The following GDF7 variants were observed in gnomAD, a reference collection of about 807,000 sequenced individuals.
GDF7 encodes growth/differentiation factor 7.
In GDF7, 12 loss-of-function variants were observed where a neutral mutation model predicts 13.4. The observed-to-expected ratio is 0.90, with a 90% CI of 0.57 to 1.45. The LOEUF (loss-of-function observed/expected upper bound fraction) is 1.45, where lower values mean the gene tolerates loss of function less well. Ranked by LOEUF, GDF7 falls within the 40% of genes most tolerant of loss-of-function variation. GDF7 has a pLI of 0.00. For missense variants in GDF7, 651 were observed against 652.4 expected (o/e 1.00, Z 0.02); for synonymous variants, 330 against 306.4 (o/e 1.08, Z -0.80).
chr2:20,667,170 T>C lies in GDF7; in HGVS notation c.-70T>C. Reference sequence around the variant, plus strand: ...CTTCCCCCATTATTAAACACTATGTTCAAAAGGCGCCGGGGGACTTCCCGG... The same window carrying C: ...CTTCCCCCATTATTAAACACTATGTCCAAAAGGCGCCGGGGGACTTCCCGG... On this transcript the variant is annotated 5_prime_UTR_variant, in exon 1 of 2. Transcript: ENST00000272224. The surrounding 1 kb of genome is among the most constrained non-coding windows in gnomAD (Gnocchi z 6.4). The C allele has an allele frequency of 9.4e-7, 1 of 1,068,650 alleles. No individual in the cohort carries two copies. Among genetic ancestry groups the C allele is most frequent in the African/African-American group, 1.7e-5 (1 of 58,830 alleles). The allele number at this position is 1,068,650 out of a possible 1,614,324, so 66.2% of individuals were successfully genotyped here. A position where few individuals can be genotyped will look rare whatever the true frequency, so the allele number is the denominator to read the frequency against.
rs1662210921 is a variant in GDF7 at position 20,675,818 on chromosome 2, T to C, written c.*4393T>C. 1 of 152,336 alleles carries C rather than the reference T, an allele frequency of 6.6e-6. No individual in the cohort carries two copies. The highest frequency in any genetic ancestry group is 1.5e-5 in the Non-Finnish European group (1 of 68,152). The allele number at this position is 152,336 out of a possible 1,614,324, so 9.4% of individuals were successfully genotyped here. ...GTGTCCATTTTACTCCTATCCTTAA[T>C]AGGTGCCTCATGGATGTGCTTTGAA... On this transcript the variant is annotated 3_prime_UTR_variant, in exon 2 of 2. Transcript: ENST00000272224.
In GDF7 at chr2:20,667,498, G is replaced by A. The variant is rs777084623; in HGVS notation, c.259G>A (p.Val87Met). 5 of 1,356,060 alleles carry A rather than the reference G, an allele frequency of 3.7e-6. No homozygotes were observed. The highest frequency in any genetic ancestry group is 4.7e-6 in the Non-Finnish European group (5 of 1,057,052). The allele number at this position is 1,356,060 out of a possible 1,614,324, so 84.0% of individuals were successfully genotyped here. A position where few individuals can be genotyped will look rare whatever the true frequency, so the allele number is the denominator to read the frequency against. The change falls in exon 1 of 2, where the codon GTG (valine) becomes ATG (methionine). Residue 87 changes from valine (V) to methionine (M), a missense_variant. Around this residue, in one of 4 missense-constraint regions of GDF7, gnomAD observed 487 missense variants for 445.9 expected, o/e 1.09. Transcript: ENST00000272224. The surrounding 1 kb of genome is among the most constrained non-coding windows in gnomAD (Gnocchi z 6.4). ...CTCCGGCTTCAGGAACGGCTCGGTG[G>A]TGCCGCACCACTTCATGATGTCGCT... ...AGSGFRNGSV[V>M]PHHFMMSLYR...
rs142463901 is a variant in GDF7, at chr2:20,671,994, C to CT, written c.*576dup. On this transcript the variant is annotated 3_prime_UTR_variant, in exon 2 of 2. Transcript: ENST00000272224. ...TGGAACTGCTGCAAAAAGCATCTTT[C>CT]TTTTTTTAACTTTTAAAATTTAACG... is the stretch of plus-strand genomic sequence containing the variant. 27 of 151,934 alleles carry CT rather than the reference C, an allele frequency of 1.8e-4. No homozygotes were observed. The highest frequency in any genetic ancestry group is 7.9e-4 in the Admixed American group (12 of 15,250). The allele number at this position is 151,934 out of a possible 1,614,324, so 9.4% of individuals were successfully genotyped here.
chr2:20,672,835 G>C lies in GDF7; in HGVS notation c.*1410G>C, dbSNP rs1331300112. The C allele has an allele frequency of 6.6e-6, 1 of 152,242 alleles. No individual in the cohort carries two copies. Among genetic ancestry groups the C allele is most frequent in the Non-Finnish European group, 1.5e-5 (1 of 68,052 alleles). The allele number at this position is 152,242 out of a possible 1,614,324, so 9.4% of individuals were successfully genotyped here. A position where few individuals can be genotyped will look rare whatever the true frequency, so the allele number is the denominator to read the frequency against. ...GGGAGGATTTTCTAGGCATGTAAAA[G>C]TGAGTTCGAACATTCAGACTTCACT... On this transcript the variant is annotated 3_prime_UTR_variant, in exon 2 of 2. Coordinates refer to ENST00000272224, the MANE Select transcript of GDF7 (RefSeq NM_182828.4).
Position 20,676,380 on chromosome 2 carries a change from C to T in GDF7, c.*4955C>T, listed in dbSNP as rs748650194. 5 of 152,294 alleles carry T rather than the reference C, an allele frequency of 3.3e-5. No individual in the cohort carries two copies. Among genetic ancestry groups the T allele is most frequent in the Non-Finnish European group, 7.3e-5 (5 of 68,080 alleles). 9.4% of individuals were successfully genotyped at this position (152,294 alleles called of 1,614,324 possible). A position where few individuals can be genotyped will look rare whatever the true frequency, so the allele number is the denominator to read the frequency against. ...GCTTGGCATCTTGTACCTGGAACCT[C>T]CTGACCATGTAGGCTGCAGCACAGC... is the stretch of plus-strand genomic sequence containing the variant. On this transcript the variant is annotated 3_prime_UTR_variant, in exon 2 of 2. Transcript: ENST00000272224.
chr2:20,675,749 AC>A lies in GDF7; in HGVS notation c.*4326del, dbSNP rs1396846163. On this transcript the variant is annotated 3_prime_UTR_variant, in exon 2 of 2. Transcript: ENST00000272224. Reference sequence around the variant, plus strand: ...AATCCCAGTCCCAGAGCCTCATCTTACCGGTTTCGCAGCTCTTGCCTGTGCA... The same window carrying A: ...AATCCCAGTCCCAGAGCCTCATCTTACGGTTTCGCAGCTCTTGCCTGTGCA... The A allele has an allele frequency of 6.6e-6, 1 of 152,312 alleles. No individual in the cohort carries two copies. The highest frequency in any genetic ancestry group is 1.5e-5 in the Non-Finnish European group (1 of 68,152). The allele number at this position is 152,312 out of a possible 1,614,324, so 9.4% of individuals were successfully genotyped here. A position where few individuals can be genotyped will look rare whatever the true frequency, so the allele number is the denominator to read the frequency against.
rs893394675 is a variant in GDF7 at position 20,675,877 on chromosome 2, C to T, written c.*4452C>T. 4.6e-5 allele frequency: 7 copies of T among 152,232 alleles called. No individual in the cohort carries two copies. Among genetic ancestry groups the T allele is most frequent in the East Asian group, 1.9e-4 (1 of 5,190 alleles). 9.4% of individuals were successfully genotyped at this position (152,232 alleles called of 1,614,324 possible). ...GGCTGAGGTAGGTGTGGGGAGGGCC[C>T]GCACCTTGAGGGTGGGGTTCAGCTC... On this transcript the variant is annotated 3_prime_UTR_variant, in exon 2 of 2. Coordinates refer to ENST00000272224, the MANE Select transcript of GDF7 (RefSeq NM_182828.4).
chr2:20,667,410 G>T lies in GDF7; in HGVS notation c.171G>T (p.Ala57=). The change falls in exon 1 of 2, where the codon GCG becomes GCT. Residue 57 remains alanine (A), a synonymous_variant. Transcript: ENST00000272224. The surrounding 1 kb of genome is among the most constrained non-coding windows in gnomAD (Gnocchi z 6.4). ...GGGGRTLAQA[A]GAAAVPAAAV... ...GCGGGCGGACTCTTGCCCAGGCTGC[G>T]GGCGCCGCGGCTGTCCCGGCCGCCG... The T allele has an allele frequency of 1.1e-6, 1 of 940,234 alleles. No homozygotes were observed. The highest frequency in any genetic ancestry group is 1.3e-6 in the Non-Finnish European group (1 of 792,544). The allele number at this position is 940,234 out of a possible 1,614,324, so 58.2% of individuals were successfully genotyped here.
chr2:20,667,181 CG>C lies in GDF7; in HGVS notation c.-54del. 1.8e-6 allele frequency: 2 copies of C among 1,093,018 alleles called. No individual in the cohort carries two copies. Among genetic ancestry groups the C allele is most frequent in the Non-Finnish European group, 2.2e-6 (2 of 899,524 alleles). 67.7% of individuals were successfully genotyped at this position (1,093,018 alleles called of 1,614,324 possible). A position where few individuals can be genotyped will look rare whatever the true frequency, so the allele number is the denominator to read the frequency against. On this transcript the variant is annotated 5_prime_UTR_variant, in exon 1 of 2. Coordinates refer to ENST00000272224, the MANE Select transcript of GDF7 (RefSeq NM_182828.4). The surrounding 1 kb of genome is among the most constrained non-coding windows in gnomAD (Gnocchi z 6.4). ...ATTAAACACTATGTTCAAAAGGCGCCGGGGGACTTCCCGGAGCCACGGAGCC... is the reference window on the plus strand; with the variant it reads ...ATTAAACACTATGTTCAAAAGGCGCCGGGGACTTCCCGGAGCCACGGAGCC...
At position 20,678,358 on chromosome 2, in the gene GDF7, T is replaced by C. The variant is rs1662267884; in HGVS notation, c.*6933T>C. The C allele has an allele frequency of 6.6e-6, 1 of 152,212 alleles. No homozygotes were observed. Among genetic ancestry groups the C allele is most frequent in the Admixed American group, 6.5e-5 (1 of 15,282 alleles). The allele number at this position is 152,212 out of a possible 1,614,324, so 9.4% of individuals were successfully genotyped here. ...CATAATTGAGTCACTTTAGGTCTTTTAGCTGGAAGCATTTCACCCTAAATG... is the reference window on the plus strand; with the variant it reads ...CATAATTGAGTCACTTTAGGTCTTTCAGCTGGAAGCATTTCACCCTAAATG... On this transcript the variant is annotated 3_prime_UTR_variant, in exon 2 of 2. Transcript: ENST00000272224.
intron 1 of GDF7, among the ~76,000 whole-genome samples, chr2:20,669,723 A>T (rs920141862): frequency 6.6e-6 from 1 of 152,242 alleles, no homozygotes; most frequent in African/African-American, 2.4e-5. Context: ...CGCGAGCAGC[A>T]GCGCCCATTG....
In GDF7 at chr2:20,678,250, G is replaced by A. The variant is rs1662266533; in HGVS notation, c.*6825G>A. On this transcript the variant is annotated 3_prime_UTR_variant, in exon 2 of 2. Transcript: ENST00000272224. Reference sequence around the variant, plus strand: ...CTTGGATAAATCATGGATTAAACATGAGCATCCTTAGAATAATTTTATTTT... The same window carrying A: ...CTTGGATAAATCATGGATTAAACATAAGCATCCTTAGAATAATTTTATTTT... The A allele has an allele frequency of 5.3e-5, 8 of 152,346 alleles. No individual in the cohort carries two copies. In the South Asian group the frequency reaches 1.7e-3, roughly 32 times the overall value. The allele number at this position is 152,346 out of a possible 1,614,324, so 9.4% of individuals were successfully genotyped here.
chr2:20,668,883 C>T (rs903581485), intron 1 of GDF7, among the ~76,000 whole-genome samples: 3 of 152,106 alleles, frequency 2.0e-5, no homozygotes, highest in African/African-American at 7.2e-5. Context: ...TATAGGACGC[C>T]CTAGTTCTGG....
Position 20,667,612 on chromosome 2 carries a change from A to G in GDF7, c.373A>G (p.Thr125Ala). The G allele has an allele frequency of 6.6e-7, 1 of 1,506,622 alleles. No homozygotes were observed. Among genetic ancestry groups the G allele is most frequent in the Non-Finnish European group, 8.8e-7 (1 of 1,133,922 alleles). 93.3% of individuals were successfully genotyped at this position (1,506,622 alleles called of 1,614,324 possible). ...TCGCGCGGACACGATCACCGGCTTC[A>G]CAGACCAGGCGACCCAAGGTACTTA... Reference protein sequence around the residue: ...HGRADTITGFTDQATQDESAA... With the variant: ...HGRADTITGFADQATQDESAA... The change falls in exon 1 of 2, where the codon ACA becomes GCA. Residue 125 changes from threonine to alanine, a missense_variant. Coordinates refer to ENST00000272224, the MANE Select transcript of GDF7 (RefSeq NM_182828.4). This position sits in a 1 kb window ranked among gnomAD's most constrained non-coding sequence, Gnocchi z 6.4.
Position 20,670,934 on chromosome 2 carries a change from G to A in GDF7, c.862G>A (p.Ala288Thr). 2 of 1,571,320 alleles carry A rather than the reference G, an allele frequency of 1.3e-6. No individual in the cohort carries two copies. Among genetic ancestry groups the A allele is most frequent in the Non-Finnish European group, 1.7e-6 (2 of 1,167,494 alleles). Residue 288 changes from alanine to threonine, a missense_variant, in exon 2 of 2, where the codon GCC (alanine) becomes ACC (threonine). Ala to Thr is a moderately conservative substitution (Grantham distance 58). Transcript: ENST00000272224. Reference protein sequence around the residue: ...ESLFREIRAQARALGAALASE... With the variant: ...ESLFREIRAQTRALGAALASE... Reference sequence around the variant, plus strand: ...CTTATTCCGGGAGATCCGCGCCCAGGCCCGCGCGCTCGGGGCCGCTCTGGC... The same window carrying A: ...CTTATTCCGGGAGATCCGCGCCCAGACCCGCGCGCTCGGGGCCGCTCTGGC...
chr2:20,671,835 A>C lies in GDF7; in HGVS notation c.*410A>C. ...GGGGTACTCGAGCATGCTTTATCTCACCCCCTTTTGTTTCTGGCCCGATGT... is the reference window on the plus strand; with the variant it reads ...GGGGTACTCGAGCATGCTTTATCTCCCCCCCTTTTGTTTCTGGCCCGATGT... On this transcript the variant is annotated 3_prime_UTR_variant, in exon 2 of 2. Coordinates refer to ENST00000272224, the MANE Select transcript of GDF7 (RefSeq NM_182828.4). 3.5e-5 allele frequency: 7 copies of C among 200,046 alleles called. No homozygotes were observed. The highest frequency in any genetic ancestry group is 5.6e-5 in the Admixed American group (1 of 17,776). The allele number at this position is 200,046 out of a possible 1,614,324, so 12.4% of individuals were successfully genotyped here.
In GDF7 at chr2:20,676,167, T is replaced by C. The variant is rs6704891; in HGVS notation, c.*4742T>C. On this transcript the variant is annotated 3_prime_UTR_variant, in exon 2 of 2. Transcript: ENST00000272224. ...GTCCCAGAATGGACTCCTTGGGTCC[T>C]CACCCCCTCCTCACCACCATGCCCA... 0.36 allele frequency: 55,446 copies of C among 152,226 alleles called. 10,417 individuals are homozygous for C. Among genetic ancestry groups the C allele is most frequent in the Non-Finnish European group, 0.4 (27,269 of 68,060 alleles). The allele number at this position is 152,226 out of a possible 1,614,324, so 9.4% of individuals were successfully genotyped here.
At position 20,670,605 on chromosome 2, in the gene GDF7, C is replaced by A. The variant is rs1019448206; in HGVS notation, c.533C>A (p.Pro178Gln). ...ESGPGSWTSPPLLLLSTCPGA... is the reference protein window; with the variant it reads ...ESGPGSWTSPQLLLLSTCPGA... ...GGCCCAGGCAGCTGGACTTCTCCGCCGTTGCTGCTGCTGTCCACGTGCCCG... is the reference window on the plus strand; with the variant it reads ...GGCCCAGGCAGCTGGACTTCTCCGCAGTTGCTGCTGCTGTCCACGTGCCCG... The change falls in exon 2 of 2, where the codon CCG becomes CAG. Residue 178 changes from proline to glutamine, a missense_variant. Pro to Gln is a moderately conservative substitution (Grantham distance 76). This residue lies in a region of GDF7 where 487 missense variants were observed against 445.9 expected (regional missense o/e 1.09). Coordinates refer to ENST00000272224, the MANE Select transcript of GDF7 (RefSeq NM_182828.4). 2 of 1,592,182 alleles carry A rather than the reference C, an allele frequency of 1.3e-6. No individual in the cohort carries two copies. Among genetic ancestry groups the A allele is most frequent in the Non-Finnish European group, 1.7e-6 (2 of 1,171,552 alleles).
At position 20,672,988 on chromosome 2, in the gene GDF7, G is replaced by A. The variant is rs567802339; in HGVS notation, c.*1563G>A. 1.3e-5 allele frequency: 2 copies of A among 152,136 alleles called. No homozygotes were observed. Among genetic ancestry groups the A allele is most frequent in the African/African-American group, 2.4e-5 (1 of 41,428 alleles). 9.4% of individuals were successfully genotyped at this position (152,136 alleles called of 1,614,324 possible). A position where few individuals can be genotyped will look rare whatever the true frequency, so the allele number is the denominator to read the frequency against. On this transcript the variant is annotated 3_prime_UTR_variant, in exon 2 of 2. Coordinates refer to ENST00000272224, the MANE Select transcript of GDF7 (RefSeq NM_182828.4). ...CTTAGAACAGCCCCGCAGCCCTCTC[G>A]GTGCATCTGTGTGATGTTGTGTAGG...
Sources: gnomAD v4.1 joint callset for allele counts (sites outside exome capture counted in the v4.1 genomes callset) on GRCh38, gnomAD v4.1.1 for gene constraint, gnomAD v4.1.1 regional missense constraint, Gnocchi (gnomAD v3.1) non-coding constraint, MANE v1.5 for transcripts, NCBI Gene and HGNC (gene_info 2026-07-23, HGNC 2026-07-21) for gene names.